The following DST variants were observed in gnomAD, a reference collection of about 807,000 sequenced individuals.
DST encodes the protein dystonin, also known as bullous pemphigoid antigen.
In DST, 253 loss-of-function variants were observed where a neutral mutation model predicts 875.2. The ratio of observed to expected loss-of-function variants is 0.29; its 90% CI spans 0.26 to 0.32. DST has a LOEUF of 0.32. Among genes scored for constraint, DST ranks in the 10% least tolerant of loss-of-function variants. The probability of loss-of-function intolerance (pLI) is 1.00; values close to 1 mark genes in which losing one functional copy is unlikely to be tolerated. For missense variants in DST, 8,287 were observed against 9,111.6 expected (o/e 0.91, Z 3.68); for synonymous variants, 3,124 against 3,197.1 (o/e 0.98, Z 0.77).
chr6:56,810,777 C>T (rs2099758910), intron 4 of DST, among the ~76,000 whole-genome samples: 1 of 151,810 alleles, frequency 6.6e-6, no homozygotes, highest in Non-Finnish European at 1.5e-5. Context: ...TTTTATTCCT[C>T]CTGCTACATC....
Position 56,614,317 on chromosome 6 carries a change from C to CTAT in DST, c.5058+36_5058+38dup, listed in dbSNP as rs768524640. ...TGTGTCAACTCAGTTAACGTCCCTG[C>CTAT]TATTATTATTATTATTAAACCAGGA... On this transcript the variant is annotated intron_variant, in intron 37 of 103. Transcript: ENST00000680361. 3.4e-5 allele frequency: 53 copies of CTAT among 1,540,774 alleles called. No individual in the cohort carries two copies. In the East Asian group the frequency reaches 4.4e-4, roughly 13 times the overall value.
chr6:56,464,718 T>C lies in DST; in HGVS notation c.22726A>G (p.Asn7576Asp). 6.2e-7 allele frequency: 1 copy of C among 1,600,764 alleles called. No homozygotes were observed. Among genetic ancestry groups the C allele is most frequent in the South Asian group, 1.1e-5 (1 of 88,134 alleles). Residue 7576 changes from asparagine to aspartate, a missense_variant, in exon 100 of 104, where the codon AAC becomes GAC. By Grantham distance (23) the Asn-to-Asp change is conservative. Around this residue, in one of 10 missense-constraint regions of DST, gnomAD observed 64 missense variants for 86.2 expected, o/e 0.74. Transcript: ENST00000680361. The stretch of plus-strand genomic sequence containing the variant: ...GGCTGAGTAGTAGTAATTGAAGAGT[T>C]TGATTCCGAACGTAACATTTTACTC... ...HGSKMLRSES[N>D]SSITTTQPTI...
At position 56,606,541 on chromosome 6, in the gene DST, T is replaced by G; in HGVS notation, c.8087A>C (p.Glu2696Ala). The change falls in exon 40 of 104, where the codon GAG becomes GCG. Residue 2696 changes from glutamate to alanine, a missense_variant. This residue lies in a region of DST where 3,138 missense variants were observed against 3,116.6 expected (regional missense o/e 1.01). Coordinates refer to ENST00000680361, the MANE Select transcript of DST (RefSeq NM_001374736.1). ...HCLQDFLMDVEKDELDSGEKI... is the reference protein window; with the variant it reads ...HCLQDFLMDVAKDELDSGEKI... The stretch of plus-strand genomic sequence containing the variant: ...TTCACCAGAATCTAATTCATCTTTC[T>G]CAACATCCATAAGGAAATCCTGAAG... 1 of 1,613,528 alleles carries G rather than the reference T, an allele frequency of 6.2e-7. No homozygotes were observed. The highest frequency in any genetic ancestry group is 8.5e-7 in the Non-Finnish European group (1 of 1,179,590).
chr6:56,595,475 G>T (rs2098358240), intron 47 of DST, among the ~76,000 whole-genome samples: 1 of 152,074 alleles, frequency 6.6e-6, no homozygotes, highest in Admixed American at 6.5e-5. Flanking sequence ...AGTGTGCAAG[G>T]GGGGCACAGG....
At chr6:56,667,066 T>C (rs2099075790) in intron 10 of DST, among the ~76,000 whole-genome samples, 1 of 152,114 alleles carries the variant, frequency 6.6e-6, no homozygotes, top group African/African-American at 2.4e-5. Flanking sequence ...TATGCCACCA[T>C]GCCTGGCTAA....
chr6:56,576,745 A>G (rs2097870598), intron 50 of DST, among the ~76,000 whole-genome samples: 1 of 152,178 alleles, frequency 6.6e-6, no homozygotes, highest in Non-Finnish European at 1.5e-5. Context: ...AAGAAGAAAC[A>G]GGAGAGAAAT....
chr6:56,482,220 A>G, intron 89 of DST, 42 bp from the exon 90 acceptor site: 2 of 1,575,374 alleles, frequency 1.3e-6, no homozygotes, highest in Non-Finnish European at 1.7e-6. Flanking sequence ...AAAATTCCCA[A>G]ATATGCCTGT....
chr6:56,784,693 G>C (rs1590277110), intron 4 of DST, among the ~76,000 whole-genome samples: 1 of 152,282 alleles, frequency 6.6e-6, no homozygotes, highest in East Asian at 1.9e-4. Context: ...GCTCGGAGTA[G>C]TTTGATCGTC....
intron 37 of DST, among the ~76,000 whole-genome samples, chr6:56,611,934 C>A (rs1012960677): frequency 6.6e-6 from 1 of 152,216 alleles, no homozygotes; most frequent in Non-Finnish European, 1.5e-5. Context: ...GTCATCCTTG[C>A]GCACTGCAGT....
chr6:56,921,497 C>T (rs1029421807), intron 2 of DST, among the ~76,000 whole-genome samples: 1 of 152,088 alleles, frequency 6.6e-6, no homozygotes, highest in African/African-American at 2.4e-5. Context: ...TGCATTTCTT[C>T]CATTTGAATC....
intron 5 of DST, among the ~76,000 whole-genome samples, chr6:56,707,212 A>G (rs902462804): frequency 6.6e-6 from 1 of 152,178 alleles, no homozygotes; most frequent in African/African-American, 2.4e-5. Context: ...AGAGCACTGT[A>G]AGAATTCACC....
chr6:56,870,528 C>T (rs1024121844), intron 3 of DST, among the ~76,000 whole-genome samples: 5 of 151,580 alleles, frequency 3.3e-5, no homozygotes, highest in Non-Finnish European at 5.9e-5. Flanking sequence ...TTTGGGAGAC[C>T]GAGGTGGGCA....
intron 23 of DST, 96 bp downstream of exon 23, chr6:56,636,459 AAC>A: frequency 1.1e-6 from 1 of 914,206 alleles, no homozygotes; most frequent in East Asian, 2.5e-5. Context: ...TATACACAGA[AAC>A]ACATTGTTAT....
chr6:56,521,606 A>G (rs1291648306), intron 69 of DST, among the ~76,000 whole-genome samples: 3 of 29,268 alleles, frequency 1.0e-4, no homozygotes, highest in Non-Finnish European at 2.5e-4. Context: ...CTAAGGAAAA[A>G]AAAAAAAAAA....
chr6:56,645,651 C>A (rs78502474), intron 15 of DST, among the ~76,000 whole-genome samples: 1 of 152,142 alleles, frequency 6.6e-6, no homozygotes, highest in African/African-American at 2.4e-5. Context: ...ACTTCACATA[C>A]CAATCCAGCC....
rs2098767617 is a variant in DST at position 56,630,321 on chromosome 6, T to C, written c.4205A>G (p.Tyr1402Cys). ...TQAAEALVKLYETKLCEEEAV... is the reference protein window; with the variant it reads ...TQAAEALVKLCETKLCEEEAV... ...TTCTTCTTCACACAGTTTAGTTTCATAGAGTTTTACGAGGGCTTCTGCAGC... is the reference window on the plus strand; with the variant it reads ...TTCTTCTTCACACAGTTTAGTTTCACAGAGTTTTACGAGGGCTTCTGCAGC... Residue 1402 changes from tyrosine (Y) to cysteine (C), a missense_variant, in exon 31 of 104, where the codon TAT becomes TGT. Physicochemically the swap from Tyr to Cys is radical, Grantham distance 194 (BLOSUM62 -2). This residue lies in a region of DST where 3,138 missense variants were observed against 3,116.6 expected (regional missense o/e 1.01). Coordinates refer to ENST00000680361, the MANE Select transcript of DST (RefSeq NM_001374736.1). The C allele has an allele frequency of 1.2e-6, 2 of 1,612,732 alleles. No individual in the cohort carries two copies. Among genetic ancestry groups the C allele is most frequent in the African/African-American group, 2.7e-5 (2 of 75,042 alleles).
In DST at chr6:56,573,851, G is replaced by C. The variant is rs200280141; in HGVS notation, c.13064C>G (p.Ser4355Cys). 150 of 1,613,074 alleles carry C rather than the reference G, an allele frequency of 9.3e-5. No homozygotes were observed. The highest frequency in any genetic ancestry group is 1.2e-4 in the Non-Finnish European group (142 of 1,179,528). Residue 4355 changes from serine (S) to cysteine (C), a missense_variant, in exon 51 of 104, where the codon TCT becomes TGT. By Grantham distance (112) the Ser-to-Cys change is moderately radical. Coordinates refer to ENST00000680361, the MANE Select transcript of DST (RefSeq NM_001374736.1). Reference sequence around the variant, plus strand: ...GAGTTTTTCATTTCGTTCATTAACAGACTTGGACAGATCCTCATATCTCCC... The same window carrying C: ...GAGTTTTTCATTTCGTTCATTAACACACTTGGACAGATCCTCATATCTCCC... Reference protein sequence around the residue: ...IVGRYEDLSKSVNERNEKLQI... With the variant: ...IVGRYEDLSKCVNERNEKLQI...
chr6:56,709,915 T>G (rs1449665381), intron 5 of DST, among the ~76,000 whole-genome samples: 1 of 151,964 alleles, frequency 6.6e-6, no homozygotes, highest in Middle Eastern at 3.2e-3. Context: ...AAACTACATA[T>G]GAGTTGCAAG....
intron 2 of DST, among the ~76,000 whole-genome samples, chr6:56,947,098 G>A (rs1819920233): frequency 6.6e-6 from 1 of 151,998 alleles, no homozygotes; most frequent in South Asian, 2.1e-4. Flanking sequence ...CAGCCTCGGG[G>A]TCACCAGAAA....
Sources: allele counts gnomAD v4.1 joint callset (sites outside exome capture counted in the v4.1 genomes callset), GRCh38; gene constraint gnomAD v4.1.1; regional missense constraint gnomAD v4.1.1; transcripts MANE v1.5; gene names NCBI Gene and HGNC (gene_info 2026-07-23, HGNC 2026-07-21).